Variants in GLIS3 observed in about 807,000 individuals in gnomAD.
GLIS3 encodes the protein GLIS family zinc finger 3.
A neutral mutation model predicts 78.6 loss-of-function variants in GLIS3; 53 were observed. The observed-to-expected ratio is 0.67, with a 90% confidence interval of 0.54 to 0.85. GLIS3 has a LOEUF of 0.85. GLIS3 is among the 40% of genes least tolerant of loss of function. GLIS3 has a pLI of 0.00. For synonymous variants in GLIS3, 684 were observed against 509.9 expected (o/e 1.34, Z -4.60); for missense variants, 1,703 against 1,231.1 (o/e 1.38, Z -5.74).
intron 4 of GLIS3, among the ~76,000 whole-genome samples, chr9:3,995,025 A>G (rs1235397034): frequency 6.6e-6 from 1 of 152,298 alleles, no homozygotes; most frequent in South Asian, 2.1e-4. Flanking sequence ...GAATCAAAGT[A>G]TGGGTCTAGA....
intron 2 of GLIS3, among the ~76,000 whole-genome samples, chr9:4,280,590 G>A (rs771892624): frequency 2.4e-4 from 36 of 152,152 alleles, no homozygotes; most frequent in Non-Finnish European, 4.4e-4. Context: ...TAAATTCAGC[G>A]TCAAAGAATG....
intron 6 of GLIS3, among the ~76,000 whole-genome samples, chr9:3,916,516 C>G (rs1824523781): frequency 6.6e-6 from 1 of 152,200 alleles, no homozygotes; most frequent in Admixed American, 6.5e-5. Context: ...AGTTTTACAA[C>G]AAATTGTGTG....
the GLIS3 span, among the ~76,000 whole-genome samples, chr9:4,457,672 C>T: frequency 5.9e-5 from 9 of 151,620 alleles, no homozygotes; most frequent in Admixed American, 5.3e-4. Flanking sequence ...ATGGTGAAAC[C>T]CCATCTCTAC....
chr9:4,221,028 T>C (rs1563779131), intron 2 of GLIS3, among the ~76,000 whole-genome samples: 1 of 152,126 alleles, frequency 6.6e-6, no homozygotes, highest in Non-Finnish European at 1.5e-5. Context: ...GGTTGGATCT[T>C]AGTGCAAAAA....
chr9:4,354,791 T>C, the GLIS3 span, among the ~76,000 whole-genome samples: 1 of 152,154 alleles, frequency 6.6e-6, no homozygotes, highest in Non-Finnish European at 1.5e-5. Flanking sequence ...CAAAGAGTCA[T>C]TCCTTTGGAA....
intron 4 of GLIS3, among the ~76,000 whole-genome samples, chr9:4,059,827 T>TGAGAGAGACAGAGAGAGAGA: frequency 9.4e-6 from 1 of 106,822 alleles, no homozygotes; most frequent in African/African-American, 3.4e-5. Flanking sequence ...TGTGTGTGTG[T>TGAGAGAGACAGAGAGAGAGA]GTGAGAGAGA....
intron 2 of GLIS3, among the ~76,000 whole-genome samples, chr9:4,192,819 A>AG (rs1301122636): frequency 1.3e-5 from 2 of 151,880 alleles, no homozygotes; most frequent in Admixed American, 6.6e-5. Context: ...AAAAAAAAAA[A>AG]AAGAAGAAGA....
intron 2 of GLIS3, among the ~76,000 whole-genome samples, chr9:4,230,565 C>T (rs1822166244): frequency 6.6e-6 from 1 of 152,076 alleles, no homozygotes. Context: ...AAAGAAGTCT[C>T]AGGAAAAGAA....
chr9:4,380,024 T>C, the GLIS3 span, among the ~76,000 whole-genome samples: 4 of 152,200 alleles, frequency 2.6e-5, no homozygotes, highest in South Asian at 2.1e-4. Flanking sequence ...TATGTTACCA[T>C]CCACAAGTCA....
At chr9:3,937,877 A>G (rs1309180821) in intron 4 of GLIS3, among the ~76,000 whole-genome samples, 2 of 152,248 alleles carry the variant, frequency 1.3e-5, no homozygotes, top group Non-Finnish European at 2.9e-5. Context: ...GTAATACTTT[A>G]ATCTTTTTTT....
At chr9:4,155,146 T>A (rs1456160020) in intron 2 of GLIS3, among the ~76,000 whole-genome samples, 1 of 152,204 alleles carries the variant, frequency 6.6e-6, no homozygotes, top group South Asian at 2.1e-4. Flanking sequence ...ATTTAAAAAA[T>A]GTTCTGCAAT....
intron 4 of GLIS3, among the ~76,000 whole-genome samples, chr9:4,096,655 C>G (rs1430182848): frequency 6.6e-6 from 1 of 152,014 alleles, no homozygotes; most frequent in East Asian, 1.9e-4. Context: ...GTCTTCTAAA[C>G]AAGGCTGGAG....
chr9:4,015,326 C>T (rs1822347561), intron 4 of GLIS3, among the ~76,000 whole-genome samples: 1 of 152,124 alleles, frequency 6.6e-6, no homozygotes. Context: ...CACTGCCTTT[C>T]CTGGAAACGC....
At chr9:4,258,309 T>G (rs994901764) in intron 2 of GLIS3, among the ~76,000 whole-genome samples, 3 of 149,496 alleles carry the variant, frequency 2.0e-5, no homozygotes, top group African/African-American at 7.4e-5. Flanking sequence ...AGTCTACAGT[T>G]TTAGTTTACA....
chr9:3,924,986 G>A (rs925432652), intron 6 of GLIS3, among the ~76,000 whole-genome samples: 3 of 152,160 alleles, frequency 2.0e-5, no homozygotes, highest in African/African-American at 4.8e-5. Context: ...AGCCTGAATA[G>A]CTCATTAAAA....
intron 4 of GLIS3, among the ~76,000 whole-genome samples, chr9:3,942,612 T>A (rs933359925): frequency 1.3e-5 from 2 of 152,160 alleles, no homozygotes; most frequent in African/African-American, 4.8e-5. Flanking sequence ...GGTGAGAAAT[T>A]TGATGCATGA....
intron 4 of GLIS3, among the ~76,000 whole-genome samples, chr9:3,947,488 G>A (rs927478069): frequency 6.6e-6 from 1 of 152,210 alleles, no homozygotes; most frequent in Non-Finnish European, 1.5e-5. Flanking sequence ...TGTGGGTACA[G>A]CCATGGGCAC....
At chr9:3,894,246 G>GACTT (rs1822664052) in intron 7 of GLIS3, among the ~76,000 whole-genome samples, 1 of 152,110 alleles carries the variant, frequency 6.6e-6, no homozygotes, top group African/African-American at 2.4e-5. Context: ...TCTTTTTAAA[G>GACTT]ACTTTCATAT....
chr9:4,268,640 C>T (rs977223669), intron 2 of GLIS3, among the ~76,000 whole-genome samples: 3 of 152,194 alleles, frequency 2.0e-5, no homozygotes, highest in Non-Finnish European at 4.4e-5. Flanking sequence ...TCCCTGACTT[C>T]TGTTTTAAGA....
Sources: gnomAD v4.1 joint callset for allele counts (sites outside exome capture counted in the v4.1 genomes callset) on GRCh38, gnomAD v4.1.1 for gene constraint, MANE v1.5 for transcripts, NCBI Gene and HGNC (gene_info 2026-07-23, HGNC 2026-07-21) for gene names.